The following GAN variants were observed in gnomAD, a reference collection of about 807,000 sequenced individuals.
GAN encodes the protein epididymis secretory sperm binding protein.
In GAN, 48 loss-of-function variants were observed where a neutral mutation model predicts 71.3. The observed-to-expected ratio is 0.67, with a 90% CI of 0.53 to 0.86. The LOEUF (loss-of-function observed/expected upper bound fraction) is 0.86. Ranked by LOEUF, GAN falls within the 40% of genes least tolerant of loss-of-function variation. The pLI, the probability that GAN is intolerant of heterozygous loss-of-function variation, is 0.00. For missense variants in GAN, 928 were observed against 770.1 expected (o/e 1.21, Z -2.43); for synonymous variants, 386 against 276.8 (o/e 1.39, Z -3.92).
In GAN at chr16:81,334,556, G is replaced by T. The variant is rs555953916; in HGVS notation, c.168-17027G>T. Among the ~76,000 whole-genome samples the T allele has an allele frequency of 1.8e-4, 27 of 152,310 alleles. No individual in the cohort carries two copies. In the South Asian group the frequency reaches 5.6e-3, roughly 32 times the overall value. ...TTCCCAAATGAAAGCCTCCTCCTGT[G>T]GCCAGCCCTAGAGTCCGGTTCCCAT... On this transcript the variant is annotated intron_variant, in intron 1 of 10. Coordinates refer to ENST00000648994, the MANE Select transcript of GAN (RefSeq NM_022041.4).
chr16:81,355,067 C>G (rs956177343), intron 3 of GAN, among the ~76,000 whole-genome samples: 7 of 152,130 alleles, frequency 4.6e-5, no homozygotes, highest in African/African-American at 1.7e-4. Flanking sequence ...GTATCCCCAC[C>G]CTTGCTCTCA....
At chr16:81,332,708 T>C (rs4888139) in intron 1 of GAN, among the ~76,000 whole-genome samples, 56,149 of 152,070 alleles carry the variant, frequency 0.37, 11,939 homozygotes, top group East Asian at 0.72. Flanking sequence ...CAGTCTTTCC[T>C]TGTCTTTCAT....
In GAN at chr16:81,377,253, C is replaced by A. The variant is rs1195193047; in HGVS notation, c.1537C>A (p.Pro513Thr). Reference sequence around the variant, plus strand: ...TCTTAACGACCAGAATTTATGCATCCCCGCCAGTTCCTCTTTTGTTTATGG... The same window carrying A: ...TCTTAACGACCAGAATTTATGCATCACCGCCAGTTCCTCTTTTGTTTATGG... ...IYLNDQNLCIPASSSFVYGAV... is the reference protein window; with the variant it reads ...IYLNDQNLCITASSSFVYGAV... Residue 513 changes from proline to threonine, a missense_variant, in exon 10 of 11, where the codon CCC (proline) becomes ACC (threonine). Transcript: ENST00000648994. 1 of 1,611,424 alleles carries A rather than the reference C, an allele frequency of 6.2e-7. No individual in the cohort carries two copies. Among genetic ancestry groups the A allele is most frequent in the Non-Finnish European group, 8.5e-7 (1 of 1,177,564 alleles).
intron 1 of GAN, among the ~76,000 whole-genome samples, chr16:81,338,630 G>A (rs376566385): frequency 8.7e-4 from 133 of 152,288 alleles, no homozygotes; most frequent in African/African-American, 3.0e-3. Flanking sequence ...AAAACTAAAG[G>A]TATATAGAGA....
In GAN at chr16:81,376,618, G is replaced by A. The variant is rs891655472; in HGVS notation, c.1503-601G>A. Among the ~76,000 whole-genome samples, 3 of 149,200 alleles carry A rather than the reference G, an allele frequency of 2.0e-5. No homozygotes were observed. The South Asian group carries it at 6.3e-4, about 31-fold the overall frequency. The stretch of plus-strand genomic sequence containing the variant: ...AAGTATATATTATATGTATGTATAT[G>A]TATATATACATACATATATGTGTGT... On this transcript the variant is annotated intron_variant, in intron 9 of 10. Coordinates refer to ENST00000648994, the MANE Select transcript of GAN (RefSeq NM_022041.4).
At chr16:81,343,703 GAC>G (rs756469038) in intron 1 of GAN, among the ~76,000 whole-genome samples, 16 of 152,168 alleles carry the variant, frequency 1.1e-4, no homozygotes, top group Non-Finnish European at 2.4e-4. Flanking sequence ...TTTGAAAACT[GAC>G]ACAAGACAAG....
intron 1 of GAN, among the ~76,000 whole-genome samples, chr16:81,323,784 G>C (rs527341286): frequency 2.0e-5 from 3 of 152,156 alleles, no homozygotes; most frequent in Non-Finnish European, 4.4e-5. Context: ...CTCCATTTCA[G>C]TCATTTACAG....
intron 9 of GAN, chr16:81,372,081 T>A (rs2150695765): frequency 6.6e-6 from 1 of 152,420 alleles, no homozygotes. Context: ...CCTCTCTCCT[T>A]TCCTGTCATT....
intron 5 of GAN, among the ~76,000 whole-genome samples, chr16:81,360,842 C>G (rs893653329): frequency 1.3e-5 from 2 of 152,154 alleles, no homozygotes; most frequent in Non-Finnish European, 2.9e-5. Context: ...AAGACTACTT[C>G]CTATGATCTG....
At chr16:81,364,363 T>C (rs1567495768) in intron 7 of GAN, among the ~76,000 whole-genome samples, 1 of 152,168 alleles carries the variant, frequency 6.6e-6, no homozygotes, top group Non-Finnish European at 1.5e-5. Context: ...TCTTTCTGCC[T>C]CAAGCAATCC....
rs1465760852 is a variant in GAN at position 81,380,956 on chromosome 16, TG to T, written c.*3365del. On this transcript the variant is annotated 3_prime_UTR_variant, in exon 11 of 11. Coordinates refer to ENST00000648994, the MANE Select transcript of GAN (RefSeq NM_022041.4). Reference sequence around the variant, plus strand: ...TGTATAACAACCAAAAAGGAGCATTTGGGGGTATGTTGGATGGTGTTTTGTT... The same window carrying T: ...TGTATAACAACCAAAAAGGAGCATTTGGGGTATGTTGGATGGTGTTTTGTT... 6.6e-6 allele frequency: 1 copy of T among 152,204 alleles called. No individual in the cohort carries two copies. Among genetic ancestry groups the T allele is most frequent in the Admixed American group, 6.5e-5 (1 of 15,280 alleles). The allele number at this position is 152,204 out of a possible 1,614,324, so 9.4% of individuals were successfully genotyped here.
chr16:81,362,441 G>T (rs904465739), intron 5 of GAN, 58 bp from the exon 6 acceptor site: 113 of 838,810 alleles, frequency 1.3e-4, no homozygotes, highest in Non-Finnish European at 2.3e-4. Flanking sequence ...ATATGCTGTG[G>T]CGTTTATGGG....
rs766751614 is a variant in GAN, at chr16:81,351,717, A to G, written c.282+20A>G. ...GGGCAGGTATGATGAGAAACAAAGG[A>G]AGGAAGACCTAAGTAGAGGCTTCTC... On this transcript the variant is annotated intron_variant, in intron 2 of 10. Transcript: ENST00000648994. 2 of 1,113,064 alleles carry G rather than the reference A, an allele frequency of 1.8e-6. No homozygotes were observed. The highest frequency in any genetic ancestry group is 3.4e-5 in the Admixed American group (2 of 59,424). 68.9% of individuals were successfully genotyped at this position (1,113,064 alleles called of 1,614,324 possible). A position where few individuals can be genotyped will look rare whatever the true frequency, so the allele number is the denominator to read the frequency against.
In GAN at chr16:81,379,218, C is replaced by T. The variant is rs917628836; in HGVS notation, c.*1622C>T. 2 of 152,090 alleles carry T rather than the reference C, an allele frequency of 1.3e-5. No individual in the cohort carries two copies. The highest frequency in any genetic ancestry group is 4.8e-5 in the African/African-American group (2 of 41,416). The allele number at this position is 152,090 out of a possible 1,614,324, so 9.4% of individuals were successfully genotyped here. ...GAAAAACATCACTTACGTTCTCCCA[C>T]CCATAGACATAAAAAAGGGTGACCT... On this transcript the variant is annotated 3_prime_UTR_variant, in exon 11 of 11. Transcript: ENST00000648994.
At position 81,315,259 on chromosome 16, in the gene GAN, C is replaced by T; in HGVS notation, c.146C>T (p.Ala49Val). 1.9e-6 allele frequency: 3 copies of T among 1,569,876 alleles called. No individual in the cohort carries two copies. The highest frequency in any genetic ancestry group is 1.2e-5 in the South Asian group (1 of 86,364). The change falls in exon 1 of 11, where the codon GCG (alanine) becomes GTG (valine). Residue 49 changes from alanine (A) to valine (V), a missense_variant. Coordinates refer to ENST00000648994, the MANE Select transcript of GAN (RefSeq NM_022041.4). ...EEIPVQKNIL[A>V]AASPYIRTKL... ...ATCCCGGTGCAGAAGAACATCCTGGCGGCGGCCAGCCCGTACATCAGGTGG... is the reference window on the plus strand; with the variant it reads ...ATCCCGGTGCAGAAGAACATCCTGGTGGCGGCCAGCCCGTACATCAGGTGG...
At chr16:81,360,796 C>G (rs1910648032) in intron 5 of GAN, among the ~76,000 whole-genome samples, 1 of 152,068 alleles carries the variant, frequency 6.6e-6, no homozygotes, top group Admixed American at 6.5e-5. Flanking sequence ...TGAAAAAAAT[C>G]ATCTTTCTGG....
intron 1 of GAN, among the ~76,000 whole-genome samples, chr16:81,349,213 C>G (rs919459949): frequency 2.0e-5 from 3 of 152,152 alleles, no homozygotes; most frequent in Non-Finnish European, 4.4e-5. Flanking sequence ...CCGTCCTCAC[C>G]TACCCTGTAC....
chr16:81,357,949 A>G lies in GAN; in HGVS notation c.973+18A>G, dbSNP rs1380226509. The G allele has an allele frequency of 3.1e-6, 5 of 1,611,202 alleles. No individual in the cohort carries two copies. The highest frequency in any genetic ancestry group is 2.5e-6 in the Non-Finnish European group (3 of 1,177,680). On this transcript the variant is annotated intron_variant, in intron 5 of 10. Coordinates refer to ENST00000648994, the MANE Select transcript of GAN (RefSeq NM_022041.4). The stretch of plus-strand genomic sequence containing the variant: ...CTCAGCAGGTACCGTTCTGTGGCAA[A>G]TTTTCCTTAAACAGCAGATCAAGTA...
At chr16:81,347,130 TTC>T (rs1910144057) in intron 1 of GAN, among the ~76,000 whole-genome samples, 1 of 152,216 alleles carries the variant, frequency 6.6e-6, no homozygotes, top group Non-Finnish European at 1.5e-5. Context: ...TTACACTGTT[TTC>T]TCTCTTGACG....
Sources: gnomAD v4.1 joint callset for allele counts (sites outside exome capture counted in the v4.1 genomes callset) on GRCh38, gnomAD v4.1.1 for gene constraint, MANE v1.5 for transcripts, NCBI Gene and HGNC (gene_info 2026-07-23, HGNC 2026-07-21) for gene names.